RETREG1: variants seen among roughly 807,000 people sequenced by gnomAD.
The protein encoded by RETREG1 is reticulophagy regulator 1, also known as family with sequence similarity 134 member B.
RETREG1 carries 44 observed loss-of-function variants against 54.8 expected under a neutral mutation model. The ratio of observed to expected loss-of-function variants is 0.80; its 90% confidence interval spans 0.63 to 1.03. The LOEUF is 1.03. RETREG1 is among the 50% of genes least tolerant of loss of function. The probability of loss-of-function intolerance (pLI) is 0.00; values close to 1 mark genes in which losing one functional copy is unlikely to be tolerated. For missense variants in RETREG1, 554 were observed against 605.1 expected (o/e 0.92, Z 0.89); for synonymous variants, 217 against 238.5 (o/e 0.91, Z 0.83).
At chr5:16,588,772 G>A (rs914038062) in intron 1 of RETREG1, among the ~76,000 whole-genome samples, 16 of 152,358 alleles carry the variant, frequency 1.1e-4, no homozygotes, top group African/African-American at 3.6e-4. Context: ...GGTATATACC[G>A]TGTCCTGGCC....
intron 1 of RETREG1, among the ~76,000 whole-genome samples, chr5:16,607,941 G>A (rs571416947): frequency 3.3e-5 from 5 of 151,740 alleles, no homozygotes; most frequent in East Asian, 3.9e-4. Context: ...GTGGGGTGGC[G>A]TGATCTCAGC....
chr5:16,540,054 A>G (rs1741196061), intron 3 of RETREG1, among the ~76,000 whole-genome samples: 1 of 152,172 alleles, frequency 6.6e-6, no homozygotes, highest in African/African-American at 2.4e-5. Flanking sequence ...GTTAGGACAA[A>G]GGGTTTGGCT....
chr5:16,527,423 A>C (rs935122127), intron 3 of RETREG1, among the ~76,000 whole-genome samples: 1 of 152,194 alleles, frequency 6.6e-6, no homozygotes, highest in Non-Finnish European at 1.5e-5. Context: ...GGATGTAGCC[A>C]TGTGTTTGTG....
intron 1 of RETREG1, among the ~76,000 whole-genome samples, chr5:16,572,799 C>T (rs1440653694): frequency 6.6e-6 from 1 of 152,108 alleles, no homozygotes; most frequent in Non-Finnish European, 1.5e-5. Context: ...GGATGGGCTG[C>T]ACTACAGAGG....
intron 1 of RETREG1, among the ~76,000 whole-genome samples, chr5:16,598,478 C>T (rs1742963376): frequency 1.3e-5 from 2 of 152,226 alleles, no homozygotes; most frequent in South Asian, 2.1e-4. Context: ...CTGTCACCCT[C>T]GGAGCCTTTG....
chr5:16,501,101 T>A (rs1739692876), intron 3 of RETREG1, among the ~76,000 whole-genome samples: 1 of 152,224 alleles, frequency 6.6e-6, no homozygotes, highest in Non-Finnish European at 1.5e-5. Flanking sequence ...AACTTATGTA[T>A]ACATTTATTA....
intron 3 of RETREG1, among the ~76,000 whole-genome samples, chr5:16,550,599 A>C (rs1439646087): frequency 1.3e-5 from 2 of 152,198 alleles, no homozygotes; most frequent in African/African-American, 4.8e-5. Flanking sequence ...AAAGCCATCC[A>C]GCCCTGCTGC....
At chr5:16,590,830 A>G (rs1742745296) in intron 1 of RETREG1, among the ~76,000 whole-genome samples, 1 of 138,422 alleles carries the variant, frequency 7.2e-6, no homozygotes, top group African/African-American at 2.7e-5. Context: ...GCAAACACAC[A>G]CATGCAAACA....
chr5:16,474,628 A>T lies in RETREG1; in HGVS notation c.*113T>A. 7.6e-7 allele frequency: 1 copy of T among 1,315,470 alleles called. No individual in the cohort carries two copies. 81.5% of individuals were successfully genotyped at this position (1,315,470 alleles called of 1,614,324 possible). On this transcript the variant is annotated 3_prime_UTR_variant, in exon 9 of 9. Coordinates refer to ENST00000306320, the MANE Select transcript of RETREG1 (RefSeq NM_001034850.3). ...GCAGGAGGGAAAATAAAACAAATCT[A>T]AAGTAATCATTAAAGCTTACAGTTC... is the stretch of plus-strand genomic sequence containing the variant.
chr5:16,520,244 A>G (rs1265259511), intron 3 of RETREG1, among the ~76,000 whole-genome samples: 1 of 151,572 alleles, frequency 6.6e-6, no homozygotes, highest in African/African-American at 2.4e-5. Flanking sequence ...CCCCAGCCCT[A>G]TTTTGTCATG....
chr5:16,487,016 A>G (rs1739046233), intron 3 of RETREG1, among the ~76,000 whole-genome samples: 1 of 152,300 alleles, frequency 6.6e-6, no homozygotes, highest in Non-Finnish European at 1.5e-5. Context: ...ATCTCCTGTG[A>G]ATGCTGGGCA....
At chr5:16,539,394 G>A (rs192484864) in intron 3 of RETREG1, among the ~76,000 whole-genome samples, 233 of 152,208 alleles carry the variant, frequency 1.5e-3, no homozygotes, top group African/African-American at 5.3e-3. Context: ...CATTTGCACC[G>A]GGAATCCAGA....
chr5:16,558,947 C>T lies in RETREG1; in HGVS notation c.458+6816G>A, dbSNP rs1020947911. ...TCCTTAGAGGAGACAATTTAGCAAA[C>T]GCTAGATGACTTTCTACTTTTAAGA... On this transcript the variant is annotated intron_variant, in intron 3 of 8. Coordinates refer to ENST00000306320, the MANE Select transcript of RETREG1 (RefSeq NM_001034850.3). Among the ~76,000 whole-genome samples the T allele has an allele frequency of 5.9e-5, 9 of 152,260 alleles. No homozygotes were observed. In the South Asian group the frequency reaches 6.2e-4, roughly 11 times the overall value.
Position 16,616,729 on chromosome 5 carries a change from GCAGCCCAGCCACAGCAC to G in RETREG1, c.226_242del (p.Val76ProfsTer59), listed in dbSNP as rs1379377551. On this transcript the variant is annotated frameshift_variant, in exon 1 of 9. Transcript: ENST00000306320. LOFTEE classifies it high-confidence loss of function. Reference sequence around the variant, plus strand: ...TCCAGCTCAGCAGCTCGTCGGCGCGGCAGCCCAGCCACAGCACCGGCTCCCCGAGCAGCCAGGTTACC... The same window carrying G: ...TCCAGCTCAGCAGCTCGTCGGCGCGGCGGCTCCCCGAGCAGCCAGGTTACC... The G allele has an allele frequency of 6.3e-7, 1 of 1,582,314 alleles. No individual in the cohort carries two copies. Among genetic ancestry groups the G allele is most frequent in the East Asian group, 2.3e-5 (1 of 43,522 alleles).
intron 1 of RETREG1, among the ~76,000 whole-genome samples, chr5:16,578,617 A>T (rs1011225389): frequency 2.0e-5 from 3 of 152,198 alleles, no homozygotes; most frequent in Non-Finnish European, 4.4e-5. Flanking sequence ...ATTTACTTTC[A>T]TCTGATCCAC....
intron 1 of RETREG1, among the ~76,000 whole-genome samples, chr5:16,611,368 C>T (rs1408034986): frequency 3.3e-5 from 5 of 152,074 alleles, no homozygotes; most frequent in African/African-American, 4.8e-5. Context: ...CAAACCTGCA[C>T]GTTGTGCACA....
At chr5:16,515,935 C>G (rs1230587213) in intron 3 of RETREG1, among the ~76,000 whole-genome samples, 1 of 151,846 alleles carries the variant, frequency 6.6e-6, no homozygotes, top group African/African-American at 2.4e-5. Flanking sequence ...TAAGTCAGAC[C>G]TGAAAGAATG....
chr5:16,568,754 A>C (rs1417285221), intron 2 of RETREG1, among the ~76,000 whole-genome samples: 4 of 152,228 alleles, frequency 2.6e-5, no homozygotes, highest in Non-Finnish European at 5.9e-5. Context: ...TCAAAGATGA[A>C]AACGCTCTAG....
At chr5:16,526,580 T>C (rs377267533) in intron 3 of RETREG1, among the ~76,000 whole-genome samples, 6 of 152,188 alleles carry the variant, frequency 3.9e-5, no homozygotes, top group African/African-American at 1.4e-4. Flanking sequence ...GTAGCATAAT[T>C]AAGAAGACAG....
Sources: allele counts gnomAD v4.1 joint callset (sites outside exome capture counted in the v4.1 genomes callset), GRCh38; gene constraint gnomAD v4.1.1; transcripts MANE v1.5; gene names NCBI Gene and HGNC (gene_info 2026-07-23, HGNC 2026-07-21).